Variants in ST6GALNAC6 observed in about 807,000 individuals in gnomAD.
ST6GALNAC6 encodes alpha-N-acetylgalactosaminide alpha-2,6-sialyltransferase 6.
In ST6GALNAC6, 19 loss-of-function variants were observed where a neutral mutation model predicts 34.3. That is an observed-to-expected ratio of 0.55 (90% confidence interval 0.39 to 0.81). The LOEUF is 0.81. Among genes scored for constraint, ST6GALNAC6 ranks in the 40% least tolerant of loss-of-function variants. ST6GALNAC6 has a pLI of 0.00. For missense variants in ST6GALNAC6, 377 were observed against 467.7 expected (o/e 0.81, Z 1.79); for synonymous variants, 185 against 182.1 (o/e 1.02, Z -0.13).
intron 5 of ST6GALNAC6, among the ~76,000 whole-genome samples, chr9:127,889,117 G>C (rs1829975067): frequency 6.6e-6 from 1 of 152,170 alleles, no homozygotes; most frequent in Non-Finnish European, 1.5e-5. Context: ...GGGAGGCCAA[G>C]GCAGGTGGAT....
chr9:127,890,995 G>C lies in ST6GALNAC6; in HGVS notation c.346C>G (p.His116Asp). ...GGGCCCAGCTTGGTGCCCAGCAGGT[G>C]GCTGGAGCTGCTGACAATCACACAC... ...HQCVIVSSSS[H>D]LLGTKLGPEI... The change falls in exon 5 of 7, where the codon CAC becomes GAC. Residue 116 changes from histidine to aspartate, a missense_variant. By Grantham distance (81) the His-to-Asp change is moderately conservative. Coordinates refer to ENST00000373146, the MANE Select transcript of ST6GALNAC6 (RefSeq NM_013443.5). This position sits in a 1 kb window ranked among gnomAD's most constrained non-coding sequence, Gnocchi z 4.3. The C allele has an allele frequency of 6.2e-7, 1 of 1,614,130 alleles. No homozygotes were observed. The highest frequency in any genetic ancestry group is 1.7e-5 in the Admixed American group (1 of 60,026).
chr9:127,892,064 T>C (rs1387943542), intron 4 of ST6GALNAC6, among the ~76,000 whole-genome samples: 1 of 152,066 alleles, frequency 6.6e-6, no homozygotes, highest in Non-Finnish European at 1.5e-5. Flanking sequence ...GGCAGGAGAA[T>C]CGCTTGAACC....
rs1159241528 is a variant in ST6GALNAC6 at position 127,885,632 on chromosome 9, C to T, written c.*967G>A. 6.6e-6 allele frequency: 1 copy of T among 152,248 alleles called. No homozygotes were observed. The highest frequency in any genetic ancestry group is 6.5e-5 in the Admixed American group (1 of 15,274). The allele number at this position is 152,248 out of a possible 1,614,324, so 9.4% of individuals were successfully genotyped here. ...GGTCGAGGGAGACCCTCGGAAGCCC[C>T]CAGTGACTCCAGACAAAGGGGCAGC... On this transcript the variant is annotated 3_prime_UTR_variant, in exon 7 of 7. Transcript: ENST00000373146.
chr9:127,905,184 G>C, intron 1 of ST6GALNAC6: 3 of 979,668 alleles, frequency 3.1e-6, no homozygotes, highest in Non-Finnish European at 2.4e-6. Context: ...GGGGCTGTGG[G>C]GAGGCTCCTG....
chr9:127,895,752 C>T (rs1019396460), intron 3 of ST6GALNAC6, among the ~76,000 whole-genome samples: 8 of 152,206 alleles, frequency 5.3e-5, no homozygotes, highest in Non-Finnish European at 1.2e-4. Context: ...TCAGGCTCCA[C>T]CAAGGCTGCA....
chr9:127,902,189 C>A (rs868490382), upstream of ST6GALNAC6, among the ~76,000 whole-genome samples: 18 of 152,284 alleles, frequency 1.2e-4, no homozygotes, highest in African/African-American at 4.1e-4. Flanking sequence ...GATAAAGTCT[C>A]GCTCTGTCAC....
intron 4 of ST6GALNAC6, among the ~76,000 whole-genome samples, chr9:127,893,767 TA>T (rs1191115784): frequency 6.6e-6 from 1 of 152,240 alleles, no homozygotes; most frequent in African/African-American, 2.4e-5. Context: ...AGACACCTGC[TA>T]ATGTGCCCTT....
At chr9:127,899,246 GGAA>G (rs1830650213) in intron 1 of ST6GALNAC6, 1 of 153,294 alleles carries the variant, frequency 6.5e-6, no homozygotes, top group South Asian at 2.1e-4. Context: ...ACCCCAGCTG[GGAA>G]GAAAAGAGAG....
chr9:127,897,090 TG>T (rs1201116596), intron 2 of ST6GALNAC6: 23 of 892,194 alleles, frequency 2.6e-5, no homozygotes, highest in East Asian at 1.2e-4. Context: ...AGGGGGTGGC[TG>T]GGGGGGCCTT....
At chr9:127,892,100 G>A (rs1218002775) in intron 4 of ST6GALNAC6, among the ~76,000 whole-genome samples, 3 of 152,090 alleles carry the variant, frequency 2.0e-5, no homozygotes, top group Admixed American at 6.5e-5. Flanking sequence ...GCGGTGACCC[G>A]AGATCGAGCC....
At chr9:127,903,727 T>C (rs1433653054), upstream of ST6GALNAC6, 1 of 152,144 alleles carries the variant, frequency 6.6e-6, no homozygotes, top group Non-Finnish European at 1.5e-5. Flanking sequence ...TGGAAAACCA[T>C]GGAGTGGGGG....
At chr9:127,893,681 A>C (rs1232883469) in intron 4 of ST6GALNAC6, among the ~76,000 whole-genome samples, 4 of 152,128 alleles carry the variant, frequency 2.6e-5, no homozygotes, top group Non-Finnish European at 4.4e-5. Flanking sequence ...ACCCACACTC[A>C]AGCTGTCCCA....
intron 1 of ST6GALNAC6, chr9:127,905,123 T>A: frequency 1.3e-6 from 1 of 769,596 alleles, no homozygotes; most frequent in African/African-American, 1.9e-5. Context: ...AACCAGGGTA[T>A]GAACAGGAAA....
In ST6GALNAC6 at chr9:127,886,307, G is replaced by A; in HGVS notation, c.*292C>T. ...ACCAAGGCCTCATGGGAAAGGACAT[G>A]TCCTTAGCCTCAGATTGACTCAGAA... On this transcript the variant is annotated 3_prime_UTR_variant, in exon 7 of 7. Transcript: ENST00000373146. The A allele has an allele frequency of 1.3e-6, 1 of 745,452 alleles. No individual in the cohort carries two copies. 46.2% of individuals were successfully genotyped at this position (745,452 alleles called of 1,614,324 possible).
intron 5 of ST6GALNAC6, among the ~76,000 whole-genome samples, chr9:127,888,053 G>A (rs1829891442): frequency 6.6e-6 from 1 of 152,198 alleles, no homozygotes; most frequent in African/African-American, 2.4e-5. Flanking sequence ...GTGGCCACCA[G>A]CCATGTGTGA....
intron 3 of ST6GALNAC6, 75 bp downstream of exon 3, chr9:127,896,167 G>T: frequency 6.5e-7 from 1 of 1,527,714 alleles, no homozygotes; most frequent in Non-Finnish European, 9.1e-7. Flanking sequence ...TGGGGTCTGA[G>T]ACAGGTCCAA....
chr9:127,896,291 C>G lies in ST6GALNAC6; in HGVS notation c.68G>C (p.Arg23Pro), dbSNP rs151028709. 32 of 1,613,958 alleles carry G rather than the reference C, an allele frequency of 2.0e-5. No homozygotes were observed. The highest frequency in any genetic ancestry group is 3.3e-4 in the Middle Eastern group (2 of 6,056). ...GCGTCTGCTGAGGGGTAGGTGTCGG[C>G]GTCCTGCAGGTGGCCCTGGGGGCAG... is the stretch of plus-strand genomic sequence containing the variant. ...TSLPPGPPAG[R>P]RHLPLSRRRR... is the part of the protein sequence containing the mutation. The change falls in exon 3 of 7, where the codon CGC becomes CCC. Residue 23 changes from arginine (R) to proline (P), a missense_variant. Coordinates refer to ENST00000373146, the MANE Select transcript of ST6GALNAC6 (RefSeq NM_013443.5).
chr9:127,896,553 C>T (rs1830466657), intron 2 of ST6GALNAC6, among the ~76,000 whole-genome samples: 1 of 152,228 alleles, frequency 6.6e-6, no homozygotes, highest in Admixed American at 6.5e-5. Context: ...CATTCTCCTC[C>T]CTAAGCAGGG....
intron 2 of ST6GALNAC6, chr9:127,896,786 C>T: frequency 1.1e-6 from 1 of 893,290 alleles, no homozygotes; most frequent in Non-Finnish European, 1.3e-6. Flanking sequence ...CCTCCTGACT[C>T]CCACTCATCC....
Sources: gnomAD v4.1 joint callset for allele counts (sites outside exome capture counted in the v4.1 genomes callset) on GRCh38, gnomAD v4.1.1 for gene constraint, Gnocchi (gnomAD v3.1) non-coding constraint, MANE v1.5 for transcripts, NCBI Gene and HGNC (gene_info 2026-07-23, HGNC 2026-07-21) for gene names.